The following GPRIN3 variants were observed in gnomAD, a reference collection of about 807,000 sequenced individuals.
The protein encoded by GPRIN3 is GPRIN family member 3, also known as G protein-regulated inducer of neurite outgrowth 3.
A neutral mutation model predicts 13.7 loss-of-function variants in GPRIN3; 12 were observed. That is an observed-to-expected ratio of 0.87 (90% CI 0.56 to 1.42). GPRIN3 has a LOEUF of 1.42. GPRIN3 is among the 40% of genes most tolerant of loss of function. The pLI is 0.00. For synonymous variants in GPRIN3, 377 were observed against 372.7 expected (o/e 1.01, Z -0.13); for missense variants, 1,009 against 958.7 (o/e 1.05, Z -0.69).
chr4:89,302,299 G>A (rs141685655), intron 1 of GPRIN3, among the ~76,000 whole-genome samples: 204 of 152,272 alleles, frequency 1.3e-3, no homozygotes, highest in African/African-American at 4.7e-3. Context: ...TTAGAAAGAG[G>A]AGTTCTGGAT....
At chr4:89,285,576 C>T (rs917181204) in intron 1 of GPRIN3, among the ~76,000 whole-genome samples, 1 of 152,194 alleles carries the variant, frequency 6.6e-6, no homozygotes, top group Non-Finnish European at 1.5e-5. Flanking sequence ...TATAACATGA[C>T]ATTTTAATTC....
At chr4:89,260,300 T>C (rs1723589416) in intron 1 of GPRIN3, among the ~76,000 whole-genome samples, 1 of 152,122 alleles carries the variant, frequency 6.6e-6, no homozygotes, top group East Asian at 1.9e-4. Context: ...TGCTCTGTGC[T>C]CCCCATTTGC....
At chr4:89,272,252 A>C (rs1236463870) in intron 1 of GPRIN3, among the ~76,000 whole-genome samples, 1 of 152,168 alleles carries the variant, frequency 6.6e-6, no homozygotes, top group African/African-American at 2.4e-5. Flanking sequence ...GAAGGCTGTA[A>C]AAGTTGGGTT....
Position 89,243,974 on chromosome 4 carries a change from A to G in GPRIN3, c.*3806T>C, listed in dbSNP as rs539157646. The G allele has an allele frequency of 7.2e-5, 11 of 152,350 alleles. No homozygotes were observed. The highest frequency in any genetic ancestry group is 2.4e-4 in the African/African-American group (10 of 41,582). The allele number at this position is 152,350 out of a possible 1,614,324, so 9.4% of individuals were successfully genotyped here. A position where few individuals can be genotyped will look rare whatever the true frequency, so the allele number is the denominator to read the frequency against. On this transcript the variant is annotated 3_prime_UTR_variant, in exon 2 of 2. Coordinates refer to ENST00000609438, the MANE Select transcript of GPRIN3 (RefSeq NM_198281.3). The stretch of plus-strand genomic sequence containing the variant: ...ACATTTTGGCAGCAAAACAGTAACA[A>G]AGTGGATGCAGAAAAGGACAAACAA...
chr4:89,244,544 A>G lies in GPRIN3; in HGVS notation c.*3236T>C, dbSNP rs1723035731. On this transcript the variant is annotated 3_prime_UTR_variant, in exon 2 of 2. Coordinates refer to ENST00000609438, the MANE Select transcript of GPRIN3 (RefSeq NM_198281.3). ...CCAGTGACCCAAAGCACAAAGGTTA[A>G]TCAATATTTTACTCTATGTAAAGTA... is the stretch of plus-strand genomic sequence containing the variant. 1 of 152,208 alleles carries G rather than the reference A, an allele frequency of 6.6e-6. No homozygotes were observed. The highest frequency in any genetic ancestry group is 2.1e-4 in the South Asian group (1 of 4,836). 9.4% of individuals were successfully genotyped at this position (152,208 alleles called of 1,614,324 possible). A position where few individuals can be genotyped will look rare whatever the true frequency, so the allele number is the denominator to read the frequency against.
At chr4:89,298,964 A>C (rs1373111076) in intron 1 of GPRIN3, among the ~76,000 whole-genome samples, 5 of 152,110 alleles carry the variant, frequency 3.3e-5, no homozygotes, top group Non-Finnish European at 7.4e-5. Flanking sequence ...TTTTTTAAAA[A>C]CCTATCATTA....
At chr4:89,286,942 G>A (rs565608571) in intron 1 of GPRIN3, among the ~76,000 whole-genome samples, 1 of 152,170 alleles carries the variant, frequency 6.6e-6, no homozygotes, top group Non-Finnish European at 1.5e-5. Context: ...AGTGAGCTAT[G>A]ATCATGCCTG....
intron 1 of GPRIN3, among the ~76,000 whole-genome samples, chr4:89,256,726 C>T (rs1421778471): frequency 6.6e-6 from 1 of 152,220 alleles, no homozygotes; most frequent in Admixed American, 6.5e-5. Context: ...CCTCAGTGAG[C>T]ACCTTTCTTT....
rs201250233 is a variant in GPRIN3 at position 89,248,661 on chromosome 4, C to T, written c.1450G>A (p.Gly484Arg). 4.7e-5 allele frequency: 76 copies of T among 1,614,114 alleles called. No individual in the cohort carries two copies. Among genetic ancestry groups the T allele is most frequent in the East Asian group, 4.5e-4 (20 of 44,868 alleles). ...SACSQAETSYGLGKFETRPSE... is the reference protein window; with the variant it reads ...SACSQAETSYRLGKFETRPSE... ...GGCCTGGTTTCAAATTTCCCCAATCCATAACTTGTTTCAGCTTGACTGCAT... is the reference window on the plus strand; with the variant it reads ...GGCCTGGTTTCAAATTTCCCCAATCTATAACTTGTTTCAGCTTGACTGCAT... Residue 484 changes from glycine (G) to arginine (R), a missense_variant, in exon 2 of 2, where the codon GGA becomes AGA. By Grantham distance (125) the Gly-to-Arg change is moderately radical (BLOSUM62 -2). Transcript: ENST00000609438.
At chr4:89,278,689 T>G (rs1001484872) in intron 1 of GPRIN3, among the ~76,000 whole-genome samples, 1 of 152,202 alleles carries the variant, frequency 6.6e-6, no homozygotes, top group Non-Finnish European at 1.5e-5. Flanking sequence ...GCCTATATAG[T>G]AGGTACTGCT....
At chr4:89,257,790 T>C (rs1723509654) in intron 1 of GPRIN3, among the ~76,000 whole-genome samples, 1 of 152,116 alleles carries the variant, frequency 6.6e-6, no homozygotes, top group South Asian at 2.1e-4. Context: ...AAAAGCATAG[T>C]GGTATAGGAA....
rs528212383 is a variant in GPRIN3 at position 89,269,322 on chromosome 4, G to A, written c.-123-19089C>T. 7.2e-5 allele frequency among the ~76,000 whole-genome samples: 11 copies of A among 152,206 alleles called. No individual in the cohort carries two copies. The South Asian group carries it at 2.3e-3, about 32-fold the overall frequency. On this transcript the variant is annotated intron_variant, in intron 1 of 1. Coordinates refer to ENST00000609438, the MANE Select transcript of GPRIN3 (RefSeq NM_198281.3). ...TTCAGCAGGCTAGCCTGCTGAATGT[G>A]GGAAGCAATTATTAAGGAGATAGCA...
rs149504850 is a variant in GPRIN3, at chr4:89,246,305, A to G, written c.*1475T>C. 1.3e-5 allele frequency: 2 copies of G among 152,240 alleles called. No homozygotes were observed. The highest frequency in any genetic ancestry group is 2.9e-5 in the Non-Finnish European group (2 of 68,022). The allele number at this position is 152,240 out of a possible 1,614,324, so 9.4% of individuals were successfully genotyped here. A position where few individuals can be genotyped will look rare whatever the true frequency, so the allele number is the denominator to read the frequency against. ...CCAGCATCTAAGTCTGGTTTTCTAA[A>G]CGCAAAATGGAGACCAGCACTCCCC... On this transcript the variant is annotated 3_prime_UTR_variant, in exon 2 of 2. Coordinates refer to ENST00000609438, the MANE Select transcript of GPRIN3 (RefSeq NM_198281.3).
At chr4:89,267,032 G>A (rs749976264) in intron 1 of GPRIN3, among the ~76,000 whole-genome samples, 1 of 152,176 alleles carries the variant, frequency 6.6e-6, no homozygotes, top group African/African-American at 2.4e-5. Flanking sequence ...CTAAGTGTCA[G>A]TTGGTTACCA....
At position 89,246,575 on chromosome 4, in the gene GPRIN3, A is replaced by G. The variant is rs1238415857; in HGVS notation, c.*1205T>C. ...TCTTTCATTGGGTTTGAAGGATATT[A>G]TGGGTATTTCTCTTAAAATCAATAA... On this transcript the variant is annotated 3_prime_UTR_variant, in exon 2 of 2. Coordinates refer to ENST00000609438, the MANE Select transcript of GPRIN3 (RefSeq NM_198281.3). 6.6e-6 allele frequency: 1 copy of G among 152,136 alleles called. No homozygotes were observed. Among genetic ancestry groups the G allele is most frequent in the South Asian group, 2.1e-4 (1 of 4,822 alleles). The allele number at this position is 152,136 out of a possible 1,614,324, so 9.4% of individuals were successfully genotyped here. A position where few individuals can be genotyped will look rare whatever the true frequency, so the allele number is the denominator to read the frequency against.
chr4:89,295,572 G>C (rs535008501), intron 1 of GPRIN3, among the ~76,000 whole-genome samples: 25 of 152,234 alleles, frequency 1.6e-4, no homozygotes, highest in African/African-American at 6.0e-4. Flanking sequence ...ACAAGGGCCC[G>C]TTTGGGTTCC....
Position 89,242,118 on chromosome 4 carries a change from A to T in GPRIN3, c.*5662T>A, listed in dbSNP as rs1053569192. 24 of 152,312 alleles carry T rather than the reference A, an allele frequency of 1.6e-4. No individual in the cohort carries two copies. Among genetic ancestry groups the T allele is most frequent in the African/African-American group, 4.8e-4 (20 of 41,580 alleles). The allele number at this position is 152,312 out of a possible 1,614,324, so 9.4% of individuals were successfully genotyped here. ...ATCACCATGCAGGTTGATCATCAAT[A>T]TCCTTTTCTAAAGTGTAAAATATGT... On this transcript the variant is annotated 3_prime_UTR_variant, in exon 2 of 2. Coordinates refer to ENST00000609438, the MANE Select transcript of GPRIN3 (RefSeq NM_198281.3).
chr4:89,247,994 C>T lies in GPRIN3; in HGVS notation c.2117G>A (p.Gly706Glu). 6.2e-7 allele frequency: 1 copy of T among 1,614,096 alleles called. No individual in the cohort carries two copies. The highest frequency in any genetic ancestry group is 8.5e-7 in the Non-Finnish European group (1 of 1,180,014). The change falls in exon 2 of 2, where the codon GGA becomes GAA. Residue 706 changes from glycine (G) to glutamate (E), a missense_variant. Coordinates refer to ENST00000609438, the MANE Select transcript of GPRIN3 (RefSeq NM_198281.3). ...YGASLDAESL[G>E]IAIQNHLQRQ... ...TTGCAAATGGTTCTGGATCGCGATT[C>T]CCAGGGACTCTGCGTCCAAGGATGC... is the stretch of plus-strand genomic sequence containing the variant.
At chr4:89,304,781 A>C (rs369468801) in intron 1 of GPRIN3, among the ~76,000 whole-genome samples, 3 of 152,242 alleles carry the variant, frequency 2.0e-5, no homozygotes, top group South Asian at 4.1e-4. Context: ...CCTGAGCCCT[A>C]TTCTCATAAA....
Sources: gnomAD v4.1 joint callset for allele counts (sites outside exome capture counted in the v4.1 genomes callset) on GRCh38, gnomAD v4.1.1 for gene constraint, MANE v1.5 for transcripts, NCBI Gene and HGNC (gene_info 2026-07-23, HGNC 2026-07-21) for gene names.